WWC1: variants seen among roughly 807,000 people sequenced by gnomAD.
The protein encoded by WWC1 is WW and C2 domain containing 1.
In WWC1, 55 loss-of-function variants were observed where a neutral mutation model predicts 138.4. That is an observed-to-expected ratio of 0.40 (90% CI 0.32 to 0.50). WWC1 has a LOEUF of 0.50. WWC1 is among the 20% of genes least tolerant of loss of function. WWC1 has a pLI of 0.72. For synonymous variants in WWC1, 524 were observed against 564.9 expected, an observed-to-expected ratio of 0.93 and a Z score of 1.03; for missense variants, 1,226 against 1,420.4, an observed-to-expected ratio of 0.86 and a Z score of 2.20.
At chr5:168,437,967 A>C in intron 15 of WWC1, among the ~76,000 whole-genome samples, 1 of 152,184 alleles carries the variant, frequency 6.6e-6, no homozygotes. Context: ...TTTTTACTGA[A>C]TGAATAAATA....
At chr5:168,357,448 C>CTGTGTGTGTGTGTGTGTG (rs67198550) in intron 1 of WWC1, among the ~76,000 whole-genome samples, 1 of 134,472 alleles carries the variant, frequency 7.4e-6, no homozygotes, top group Non-Finnish European at 1.6e-5. Context: ...AACCTGCCTT[C>CTGTGTGTGTGTGTGTGTG]TGTGTGTGTG....
intron 17 of WWC1, among the ~76,000 whole-genome samples, chr5:168,453,242 G>C (rs1382971731): frequency 6.6e-6 from 1 of 151,790 alleles, no homozygotes; most frequent in Non-Finnish European, 1.5e-5. Flanking sequence ...AAAAAAAAAG[G>C]AATGAACCGC....
At chr5:168,322,867 G>A (rs1176269460) in intron 1 of WWC1, among the ~76,000 whole-genome samples, 2 of 152,148 alleles carry the variant, frequency 1.3e-5, no homozygotes, top group Non-Finnish European at 2.9e-5. Flanking sequence ...TTCTCAAGAA[G>A]ATTAAGCTGA....
At chr5:168,314,759 G>A (rs1581894955) in intron 1 of WWC1, among the ~76,000 whole-genome samples, 1 of 152,142 alleles carries the variant, frequency 6.6e-6, no homozygotes, top group East Asian at 1.9e-4. Flanking sequence ...GTACAGGTGG[G>A]GACAAGGAGC....
rs188583386 is a variant in WWC1 at position 168,368,149 on chromosome 5, G to A, written c.120-3275G>A. On this transcript the variant is annotated intron_variant, in intron 1 of 22. Transcript: ENST00000265293. The stretch of plus-strand genomic sequence containing the variant: ...CTTGTTACCCAGGCTGGAGTGCAAC[G>A]GCACGATCTCGGCTCATCGCAACCT... 2.4e-3 allele frequency among the ~76,000 whole-genome samples: 339 copies of A among 141,446 alleles called. 2 individuals carry two copies. Among genetic ancestry groups the A allele is most frequent in the Non-Finnish European group, 2.4e-3 (163 of 66,554 alleles). 92.8% of individuals were successfully genotyped at this position (141,446 alleles called of 152,430 possible).
At chr5:168,459,609 A>G (rs2152890699) in intron 19 of WWC1, among the ~76,000 whole-genome samples, 1 of 152,240 alleles carries the variant, frequency 6.6e-6, no homozygotes, top group East Asian at 1.9e-4. Flanking sequence ...GGCAGTCATT[A>G]TTTTTACTAT....
intron 1 of WWC1, among the ~76,000 whole-genome samples, chr5:168,329,606 A>G (rs1772857243): frequency 6.6e-6 from 1 of 152,218 alleles, no homozygotes; most frequent in Non-Finnish European, 1.5e-5. Context: ...TTAACAAGCC[A>G]TGCTAATGAA....
intron 1 of WWC1, among the ~76,000 whole-genome samples, chr5:168,361,432 G>C (rs1206891146): frequency 2.0e-5 from 3 of 152,202 alleles, no homozygotes; most frequent in Admixed American, 1.3e-4. Context: ...GTCTCTCCAT[G>C]AATGGGAGCT....
intron 19 of WWC1, among the ~76,000 whole-genome samples, chr5:168,460,426 G>A (rs888773): frequency 0.38 from 57,275 of 152,116 alleles, 11,665 homozygotes; most frequent in Middle Eastern, 0.52. Context: ...ATTTAGCATC[G>A]TGCAGATACT....
Position 168,363,590 on chromosome 5 carries a change from A to G in WWC1, c.120-7834A>G, listed in dbSNP as rs181979461. ...CAGCTCCTCCAGGAAGGGAGGTGATAGAATACAGTGCAAGGTTTATTAGCT... is the reference window on the plus strand; with the variant it reads ...CAGCTCCTCCAGGAAGGGAGGTGATGGAATACAGTGCAAGGTTTATTAGCT... On this transcript the variant is annotated intron_variant, in intron 1 of 22. Transcript: ENST00000265293. 5.2e-4 allele frequency among the ~76,000 whole-genome samples: 79 copies of G among 151,658 alleles called. 2 individuals carry two copies. The East Asian group carries it at 8.4e-3, about 16-fold the overall frequency.
intron 1 of WWC1, among the ~76,000 whole-genome samples, chr5:168,341,749 A>C (rs1460412780): frequency 6.6e-6 from 1 of 151,844 alleles, no homozygotes; most frequent in Non-Finnish European, 1.5e-5. Context: ...GGGTCACCAG[A>C]TACACACCTG....
At chr5:168,432,234 T>C (rs750238189) in intron 15 of WWC1, among the ~76,000 whole-genome samples, 25 of 152,150 alleles carry the variant, frequency 1.6e-4, no homozygotes, top group Non-Finnish European at 3.1e-4. Context: ...AGAATCTTTA[T>C]AAGGATTGAG....
At chr5:168,355,327 C>T (rs1699532059) in intron 1 of WWC1, among the ~76,000 whole-genome samples, 1 of 151,918 alleles carries the variant, frequency 6.6e-6, no homozygotes, top group South Asian at 2.1e-4. Flanking sequence ...AACCTCGTCT[C>T]CACTAAAACT....
chr5:168,420,877 C>A (rs928499810), intron 9 of WWC1, among the ~76,000 whole-genome samples: 1 of 152,172 alleles, frequency 6.6e-6, no homozygotes, highest in Non-Finnish European at 1.5e-5. Context: ...CCATTGTCCT[C>A]CCCACAGTCA....
intron 1 of WWC1, among the ~76,000 whole-genome samples, chr5:168,346,514 A>G (rs954878039): frequency 2.6e-5 from 4 of 152,140 alleles, no homozygotes; most frequent in Non-Finnish European, 5.9e-5. Context: ...AGGTAGAAAC[A>G]CAGTGCCTGA....
chr5:168,327,247 T>A (rs1416641431), intron 1 of WWC1, among the ~76,000 whole-genome samples: 1 of 152,208 alleles, frequency 6.6e-6, no homozygotes, highest in African/African-American at 2.4e-5. Context: ...GTCTTCCCAG[T>A]CTTCTCCCCC....
intron 2 of WWC1, among the ~76,000 whole-genome samples, chr5:168,374,542 CAT>C (rs1561675453): frequency 6.6e-6 from 1 of 152,050 alleles, no homozygotes; most frequent in East Asian, 1.9e-4. Context: ...GGCAAGTGTG[CAT>C]ATAACATAAT....
intron 1 of WWC1, among the ~76,000 whole-genome samples, chr5:168,367,805 T>G (rs1056260315): frequency 6.6e-6 from 1 of 152,050 alleles, no homozygotes; most frequent in African/African-American, 2.4e-5. Flanking sequence ...AGGCCTAGAG[T>G]TAGCCCTTAT....
chr5:168,446,048 C>T (rs908280093), intron 17 of WWC1, among the ~76,000 whole-genome samples: 5 of 151,752 alleles, frequency 3.3e-5, no homozygotes, highest in Admixed American at 6.6e-5. Context: ...AGAATGAGGT[C>T]TGTTATTTGG....
Sources: allele counts gnomAD v4.1 joint callset (sites outside exome capture counted in the v4.1 genomes callset), GRCh38; gene constraint gnomAD v4.1.1; transcripts MANE v1.5; gene names NCBI Gene and HGNC (gene_info 2026-07-23, HGNC 2026-07-21).